GALNTL6: variants seen among roughly 807,000 people sequenced by gnomAD.
The protein encoded by GALNTL6 is polypeptide N-acetylgalactosaminyltransferase-like 6.
GALNTL6 carries 46 observed loss-of-function variants against 73.7 expected under a neutral mutation model. That is an observed-to-expected ratio of 0.62 (90% CI 0.49 to 0.80). The LOEUF is 0.80. Among genes scored for constraint, GALNTL6 ranks in the 30% least tolerant of loss-of-function variants. The probability of loss-of-function intolerance (pLI) is 0.00; values close to 1 mark genes in which losing one functional copy is unlikely to be tolerated. For missense variants in GALNTL6, 604 were observed against 755.0 expected (o/e 0.80, Z 2.34); for synonymous variants, 259 against 263.7 (o/e 0.98, Z 0.17).
chr4:172,387,978 G>A (rs1295343966), intron 5 of GALNTL6, among the ~76,000 whole-genome samples: 1 of 151,882 alleles, frequency 6.6e-6, no homozygotes, highest in African/African-American at 2.4e-5. Flanking sequence ...TAATACAAAT[G>A]TACCTCTTTT....
chr4:171,963,966 T>C (rs902682529), intron 2 of GALNTL6, among the ~76,000 whole-genome samples: 1 of 152,268 alleles, frequency 6.6e-6, no homozygotes, highest in East Asian at 1.9e-4. Flanking sequence ...ATAAAGATAA[T>C]GTCTTCCTCC....
At chr4:172,218,813 G>A (rs1020528119) in intron 2 of GALNTL6, among the ~76,000 whole-genome samples, 3 of 151,708 alleles carry the variant, frequency 2.0e-5, no homozygotes, top group Non-Finnish European at 4.4e-5. Flanking sequence ...AATAACAATT[G>A]GAAAGACAAG....
At chr4:172,265,039 C>A (rs1738405290) in intron 3 of GALNTL6, among the ~76,000 whole-genome samples, 2 of 151,688 alleles carry the variant, frequency 1.3e-5, no homozygotes, top group South Asian at 2.1e-4. Flanking sequence ...CTTATTGTTT[C>A]TTGAGAATAA....
At chr4:172,726,791 G>C (rs1036666404) in intron 5 of GALNTL6, among the ~76,000 whole-genome samples, 3 of 152,056 alleles carry the variant, frequency 2.0e-5, no homozygotes, top group African/African-American at 7.2e-5. Flanking sequence ...TCAAAAAGAA[G>C]GAACTCAGAA....
chr4:172,835,815 G>A (rs1742883431), intron 7 of GALNTL6, among the ~76,000 whole-genome samples: 2 of 152,146 alleles, frequency 1.3e-5, no homozygotes, highest in African/African-American at 2.4e-5. Context: ...AGGACTGACC[G>A]CAGCAATCCT....
chr4:172,453,219 A>T (rs1238166382), intron 5 of GALNTL6, among the ~76,000 whole-genome samples: 2 of 151,832 alleles, frequency 1.3e-5, no homozygotes. Flanking sequence ...AAAAAAAAAG[A>T]TGTGCAATGT....
chr4:172,015,923 A>ATTTTTTTTTTTTTTTTTTTTTTTTTTTT (rs70941375), intron 2 of GALNTL6, among the ~76,000 whole-genome samples: 1 of 44,090 alleles, frequency 2.3e-5, no homozygotes, highest in Non-Finnish European at 4.2e-5. Context: ...ATCTAATAGG[A>ATTTTTTTTTTTTTTTTTTTTTTTTTTTT]TTTTTTTTTT....
At chr4:172,297,452 T>A (rs893582675) in intron 3 of GALNTL6, among the ~76,000 whole-genome samples, 3 of 152,140 alleles carry the variant, frequency 2.0e-5, no homozygotes, top group Admixed American at 6.6e-5. Context: ...CTGAATGGTA[T>A]TGCCTAGGTT....
At chr4:172,310,271 A>AT (rs1169018138) in intron 3 of GALNTL6, among the ~76,000 whole-genome samples, 1,843 of 145,664 alleles carry the variant, frequency 0.013, 31 homozygotes, top group African/African-American at 0.041. Context: ...TTACTCGATA[A>AT]TTTTTTTTTT....
chr4:172,073,920 G>A (rs993675836), intron 2 of GALNTL6, among the ~76,000 whole-genome samples: 2 of 152,300 alleles, frequency 1.3e-5, no homozygotes, highest in Admixed American at 6.5e-5. Context: ...CAGCTTTGAT[G>A]TAATTGTGAG....
At chr4:172,746,483 A>AGAAGTAAATG (rs1485858869) in intron 5 of GALNTL6, among the ~76,000 whole-genome samples, 117 of 152,182 alleles carry the variant, frequency 7.7e-4, no homozygotes, top group African/African-American at 2.7e-3. Flanking sequence ...ATAGTATCTA[A>AGAAGTAAATG]GCCTTTTTCT....
intron 5 of GALNTL6, among the ~76,000 whole-genome samples, chr4:172,805,976 GT>G (rs1318610635): frequency 1.3e-5 from 2 of 152,106 alleles, no homozygotes; most frequent in Non-Finnish European, 2.9e-5. Context: ...CATAATAAAA[GT>G]TTTAAAATAA....
chr4:173,022,028 AAAGAAGGAAGG>A (rs1188828228), intron 12 of GALNTL6, among the ~76,000 whole-genome samples: 5 of 133,736 alleles, frequency 3.7e-5, no homozygotes, highest in African/African-American at 1.1e-4. Flanking sequence ...GGAAGGAAGG[AAAGAAGGAAGG>A]AAGGAAGGAA....
chr4:172,977,168 T>C (rs902866855), intron 10 of GALNTL6, among the ~76,000 whole-genome samples: 4 of 152,286 alleles, frequency 2.6e-5, no homozygotes, highest in Admixed American at 1.3e-4. Context: ...ACGAAGAGGC[T>C]GTTTCACATT....
At chr4:173,036,493 T>C (rs1035549875) in intron 12 of GALNTL6, among the ~76,000 whole-genome samples, 1 of 152,160 alleles carries the variant, frequency 6.6e-6, no homozygotes, top group Admixed American at 6.5e-5. Context: ...TTGCCAAGGG[T>C]GGACCGATCG....
chr4:172,404,156 A>G (rs1210384901), intron 5 of GALNTL6, among the ~76,000 whole-genome samples: 3 of 151,980 alleles, frequency 2.0e-5, no homozygotes, highest in South Asian at 2.1e-4. Flanking sequence ...TAAATGCCTT[A>G]AAATAAGGTT....
chr4:172,152,650 T>C (rs1232322434), intron 2 of GALNTL6, among the ~76,000 whole-genome samples: 2 of 152,226 alleles, frequency 1.3e-5, no homozygotes, highest in Non-Finnish European at 2.9e-5. Flanking sequence ...GCTCTGACGC[T>C]GAGGCTGGAG....
At chr4:172,157,145 TC>T (rs1467763014) in intron 2 of GALNTL6, among the ~76,000 whole-genome samples, 1 of 152,184 alleles carries the variant, frequency 6.6e-6, no homozygotes, top group African/African-American at 2.4e-5. Flanking sequence ...CATTGCATAT[TC>T]CAGCAATTGA....
chr4:172,718,627 G>A (rs1176086253), intron 5 of GALNTL6, among the ~76,000 whole-genome samples: 3 of 151,608 alleles, frequency 2.0e-5, no homozygotes, highest in African/African-American at 7.3e-5. Context: ...GACAGGGCAA[G>A]ACCCCATCTC....
Sources: gnomAD v4.1 joint callset for allele counts (sites outside exome capture counted in the v4.1 genomes callset) on GRCh38, gnomAD v4.1.1 for gene constraint, MANE v1.5 for transcripts, NCBI Gene and HGNC (gene_info 2026-07-23, HGNC 2026-07-21) for gene names.